The following EPHA5 variants were observed in gnomAD, a reference collection of about 807,000 sequenced individuals.
The protein encoded by EPHA5 is ephrin type-A receptor 5.
Under a neutral mutation model 105.0 loss-of-function variants are expected in EPHA5, and 60 were observed. That is an observed-to-expected ratio of 0.57 (90% CI 0.46 to 0.71). The LOEUF is 0.71. EPHA5 is among the 30% of genes least tolerant of loss of function. The pLI is 0.00. For synonymous variants in EPHA5, 513 were observed against 449.1 expected, an observed-to-expected ratio of 1.14 and a Z score of -1.80; for missense variants, 1,218 against 1,274.7, an observed-to-expected ratio of 0.96 and a Z score of 0.68.
At chr4:65,561,614 G>C (rs1189453238) in intron 3 of EPHA5, among the ~76,000 whole-genome samples, 1 of 152,050 alleles carries the variant, frequency 6.6e-6, no homozygotes, top group Non-Finnish European at 1.5e-5. Context: ...CAGAAAGTGA[G>C]AGTAACAGGA....
At chr4:65,546,017 G>A (rs767061556) in intron 3 of EPHA5, among the ~76,000 whole-genome samples, 19 of 151,838 alleles carry the variant, frequency 1.3e-4, no homozygotes, top group Non-Finnish European at 2.7e-4. Flanking sequence ...ACAACTACTC[G>A]ACTCTGAATG....
At chr4:65,425,716 A>G (rs1301436651) in intron 5 of EPHA5, among the ~76,000 whole-genome samples, 1 of 152,004 alleles carries the variant, frequency 6.6e-6, no homozygotes, top group Non-Finnish European at 1.5e-5. Context: ...AGGTTTTCTG[A>G]ACTGCTGCTG....
chr4:65,402,345 C>G (rs1163878583), intron 8 of EPHA5, among the ~76,000 whole-genome samples: 1 of 152,102 alleles, frequency 6.6e-6, no homozygotes, highest in Non-Finnish European at 1.5e-5. Flanking sequence ...GGAATGTGCG[C>G]ACGTATGCAC....
intron 2 of EPHA5, among the ~76,000 whole-genome samples, chr4:65,632,817 G>A (rs1223406649): frequency 6.6e-6 from 1 of 151,866 alleles, no homozygotes; most frequent in African/African-American, 2.4e-5. Context: ...ACTTCTGGGT[G>A]GTAATGAGAG....
intron 16 of EPHA5, 81 bp downstream of exon 16, chr4:65,331,892 C>T (rs1720652453): frequency 1.3e-6 from 2 of 1,519,732 alleles, no homozygotes; most frequent in South Asian, 2.6e-5. Context: ...TAACTGATTT[C>T]CCTTACCTCA....
intron 5 of EPHA5, among the ~76,000 whole-genome samples, chr4:65,471,103 G>T (rs1729242348): frequency 6.6e-6 from 1 of 152,144 alleles, no homozygotes; most frequent in African/African-American, 2.4e-5. Flanking sequence ...CATCCTTGGA[G>T]TCCCTCTGAA....
At position 65,467,915 on chromosome 4, in the gene EPHA5, A is replaced by G. The variant is rs141271681; in HGVS notation, c.1402+22462T>C. 1.1e-4 allele frequency among the ~76,000 whole-genome samples: 16 copies of G among 152,308 alleles called. No individual in the cohort carries two copies. In the East Asian group the frequency reaches 1.7e-3, roughly 17 times the overall value. On this transcript the variant is annotated intron_variant, in intron 5 of 16. Transcript: ENST00000613740. The stretch of plus-strand genomic sequence containing the variant: ...TTTGAGCCATCATTGCTAGCTTTGA[A>G]GGTGGAAGAAGAGGACCAGCAGCCA...
intron 3 of EPHA5, among the ~76,000 whole-genome samples, chr4:65,578,618 G>T (rs1741301983): frequency 6.6e-6 from 1 of 152,138 alleles, no homozygotes; most frequent in Admixed American, 6.5e-5. Context: ...TTAAAGTTTT[G>T]TAAAAAGAAA....
intron 3 of EPHA5, among the ~76,000 whole-genome samples, chr4:65,598,518 C>T (rs970191234): frequency 3.9e-5 from 6 of 152,058 alleles, no homozygotes; most frequent in African/African-American, 1.2e-4. Context: ...CATGGTCTCC[C>T]GCTACTCCTG....
chr4:65,344,777 T>A (rs1056284351), intron 14 of EPHA5, among the ~76,000 whole-genome samples: 10 of 152,200 alleles, frequency 6.6e-5, no homozygotes, highest in South Asian at 2.1e-4. Context: ...AAGTAGTAAA[T>A]GGGTCTGGTC....
chr4:65,605,071 G>A (rs569034856), intron 2 of EPHA5, among the ~76,000 whole-genome samples: 4 of 152,104 alleles, frequency 2.6e-5, no homozygotes, highest in South Asian at 2.1e-4. Flanking sequence ...TTTCCTGTAC[G>A]TTTATTTCCT....
At chr4:65,398,968 G>C (rs74647348) in intron 8 of EPHA5, among the ~76,000 whole-genome samples, 4,404 of 152,264 alleles carry the variant, frequency 0.029, 203 homozygotes, top group African/African-American at 0.099. Context: ...ACTGAGTGGT[G>C]AGAGTGGAAG....
rs529649172 is a variant in EPHA5 at position 65,332,623 on chromosome 4, G to T, written c.2790-495C>A. On this transcript the variant is annotated intron_variant, in intron 15 of 16. Coordinates refer to ENST00000613740, the MANE Select transcript of EPHA5 (RefSeq NM_001281766.3). ...TGATGCTGGTAATGGGGTGGTGGGG[G>T]GTGGGGGAAGGCTACATATGTGTAG... is the stretch of plus-strand genomic sequence containing the variant. Among the ~76,000 whole-genome samples, 79 of 151,346 alleles carry T rather than the reference G, an allele frequency of 5.2e-4. 1 individual carries two copies. The highest frequency in any genetic ancestry group is 1.8e-3 in the African/African-American group (74 of 41,278).
At chr4:65,340,828 A>G (rs1721641998) in intron 14 of EPHA5, among the ~76,000 whole-genome samples, 1 of 152,138 alleles carries the variant, frequency 6.6e-6, no homozygotes, top group African/African-American at 2.4e-5. Flanking sequence ...ATTGGCCAAC[A>G]ACACTAGCTG....
At chr4:65,398,183 G>C (rs1258346106) in intron 8 of EPHA5, among the ~76,000 whole-genome samples, 2 of 152,144 alleles carry the variant, frequency 1.3e-5, no homozygotes, top group South Asian at 4.1e-4. Flanking sequence ...ACCACTGCCT[G>C]GCCTCTCCCT....
intron 3 of EPHA5, among the ~76,000 whole-genome samples, chr4:65,570,189 C>G (rs1224593093): frequency 1.3e-5 from 2 of 151,794 alleles, no homozygotes; most frequent in Non-Finnish European, 3.0e-5. Flanking sequence ...AACTATACTC[C>G]TAACTACACT....
chr4:65,481,669 T>C (rs1730377019), intron 5 of EPHA5, among the ~76,000 whole-genome samples: 1 of 152,206 alleles, frequency 6.6e-6, no homozygotes, highest in Non-Finnish European at 1.5e-5. Flanking sequence ...GACTAGAAGC[T>C]TCTTGAATAT....
At chr4:65,487,655 G>A (rs1731007400) in intron 5 of EPHA5, among the ~76,000 whole-genome samples, 1 of 152,118 alleles carries the variant, frequency 6.6e-6, no homozygotes, top group Admixed American at 6.6e-5. Context: ...CTCTGCAGGA[G>A]GACAGATTCA....
At chr4:65,470,193 GTTT>G (rs200526810) in intron 5 of EPHA5, among the ~76,000 whole-genome samples, 2 of 143,556 alleles carry the variant, frequency 1.4e-5, no homozygotes, top group African/African-American at 2.5e-5. Flanking sequence ...TTCTTTCTTT[GTTT>G]TTTTTTTTTT....
Sources: allele counts gnomAD v4.1 joint callset (sites outside exome capture counted in the v4.1 genomes callset), GRCh38; gene constraint gnomAD v4.1.1; transcripts MANE v1.5; gene names NCBI Gene and HGNC (gene_info 2026-07-23, HGNC 2026-07-21).